Variants in CMTM4 observed in about 807,000 individuals in gnomAD.
The protein encoded by CMTM4 is CKLF like MARVEL transmembrane domain containing 4.
A neutral mutation model predicts 19.0 loss-of-function variants in CMTM4; 8 were observed. The observed-to-expected ratio is 0.42, with a 90% CI of 0.25 to 0.76. The LOEUF is 0.76. Among genes scored for constraint, CMTM4 ranks in the 30% least tolerant of loss-of-function variants. CMTM4 has a pLI of 0.27. For missense variants in CMTM4, 228 were observed against 290.2 expected, an observed-to-expected ratio of 0.79 and a Z score of 1.56; for synonymous variants, 106 against 121.1, an observed-to-expected ratio of 0.88 and a Z score of 0.82.
At chr16:66,655,045 G>C (rs2016373171) in intron 1 of CMTM4, among the ~76,000 whole-genome samples, 1 of 152,128 alleles carries the variant, frequency 6.6e-6, no homozygotes, top group South Asian at 2.1e-4. Context: ...ACCCAGGCTA[G>C]AGTGTTGTGC....
chr16:66,672,062 G>A (rs2016717378), intron 1 of CMTM4, among the ~76,000 whole-genome samples: 1 of 151,828 alleles, frequency 6.6e-6, no homozygotes, highest in African/African-American at 2.4e-5. Flanking sequence ...TAATCTATCA[G>A]GATATATTTA....
chr16:66,693,496 TTTC>T (rs1596970665), intron 1 of CMTM4, among the ~76,000 whole-genome samples: 1 of 152,236 alleles, frequency 6.6e-6, no homozygotes, highest in East Asian at 1.9e-4. Flanking sequence ...GACTTCTTAT[TTTC>T]TTTTCAGTTT....
At chr16:66,635,938 C>A (rs1332168525) in intron 2 of CMTM4, among the ~76,000 whole-genome samples, 1 of 152,092 alleles carries the variant, frequency 6.6e-6, no homozygotes, top group East Asian at 1.9e-4. Context: ...ATCAAACCAC[C>A]AAACCCCCCC....
At chr16:66,609,130 G>T in the CMTM4 span, among the ~76,000 whole-genome samples, 21 of 152,330 alleles carry the variant, frequency 1.4e-4, no homozygotes, top group Admixed American at 1.1e-3. The surrounding 1 kb of genome is among the most constrained non-coding windows in gnomAD (Gnocchi z 4.4). Context: ...AGCAGGTGGG[G>T]GTGTTTCCAA....
intron 1 of CMTM4, among the ~76,000 whole-genome samples, chr16:66,645,216 G>T (rs61384894): frequency 0.02 from 2,972 of 151,978 alleles, 67 homozygotes; most frequent in South Asian, 0.12. Flanking sequence ...CCTGGGAGGC[G>T]GAGGTTGCAG....
Position 66,636,539 on chromosome 16 carries a change from C to T in CMTM4, c.229G>A (p.Ala77Thr). 6.2e-7 allele frequency: 1 copy of T among 1,614,134 alleles called. No individual in the cohort carries two copies. The highest frequency in any genetic ancestry group is 1.7e-5 in the Admixed American group (1 of 60,014). Residue 77 changes from alanine to threonine, a missense_variant, in exon 2 of 4, where the codon GCA becomes ACA. Around this residue, in one of 3 missense-constraint regions of CMTM4, gnomAD observed 200 missense variants for 226.6 expected, o/e 0.88. Transcript: ENST00000394106. The stretch of plus-strand genomic sequence containing the variant: ...TAGAGGCCTTCACACGGGGAGCATG[C>T]CATGATGGTCTCTATGCAGATGAAT... ...IAFICIETIM[A>T]CSPCEGLYFF...
At chr16:66,644,010 T>C (rs2016144609) in intron 1 of CMTM4, among the ~76,000 whole-genome samples, 1 of 152,296 alleles carries the variant, frequency 6.6e-6, no homozygotes, top group South Asian at 2.1e-4. Context: ...CACCTTGGCC[T>C]CCCAAAGTGC....
the CMTM4 span, chr16:66,609,491 C>A: frequency 6.2e-7 from 1 of 1,611,124 alleles, no homozygotes; most frequent in South Asian, 1.1e-5. The surrounding 1 kb of genome is among the most constrained non-coding windows in gnomAD (Gnocchi z 4.4). Flanking sequence ...CCATCACGGC[C>A]ATCGCCAAGT....
intron 2 of CMTM4, among the ~76,000 whole-genome samples, chr16:66,624,819 G>A (rs1378599656): frequency 1.3e-5 from 2 of 152,184 alleles, no homozygotes; most frequent in African/African-American, 4.8e-5. Flanking sequence ...TCATAACAGT[G>A]CTGAGTCTTG....
rs187420467 is a variant in CMTM4 at position 66,626,727 on chromosome 16, G to A, written c.364-3225C>T. The stretch of plus-strand genomic sequence containing the variant: ...AGAGGTTGCTGTGAGCCCAGATTGC[G>A]CCACTGCACTCCAGCCTGAGAGACA... On this transcript the variant is annotated intron_variant, in intron 2 of 3. Transcript: ENST00000394106. 3.9e-3 allele frequency among the ~76,000 whole-genome samples: 589 copies of A among 151,094 alleles called. 4 individuals carry two copies. Among genetic ancestry groups the A allele is most frequent in the African/African-American group, 0.012 (492 of 41,170 alleles).
At chr16:66,683,100 AGAGTC>A (rs1380320930) in intron 1 of CMTM4, among the ~76,000 whole-genome samples, 2 of 144,232 alleles carry the variant, frequency 1.4e-5, no homozygotes, top group East Asian at 2.0e-4. Context: ...CACCTCAAAT[AGAGTC>A]TAGTTGTGTG....
the CMTM4 span, among the ~76,000 whole-genome samples, chr16:66,599,579 T>C: frequency 6.6e-6 from 1 of 152,178 alleles, no homozygotes; most frequent in African/African-American, 2.4e-5. Flanking sequence ...CACTGTAACC[T>C]GGAACTCTTG....
chr16:66,668,061 G>A (rs947287613), intron 1 of CMTM4, among the ~76,000 whole-genome samples: 10 of 151,944 alleles, frequency 6.6e-5, no homozygotes, highest in Non-Finnish European at 1.2e-4. Context: ...GGAGTACAGT[G>A]GCAGAATTAT....
At position 66,618,728 on chromosome 16, in the gene CMTM4, C is replaced by T; in HGVS notation, c.*3330G>A. The T allele has an allele frequency of 1.0e-6, 1 of 985,508 alleles. No homozygotes were observed. The highest frequency in any genetic ancestry group is 1.2e-6 in the Non-Finnish European group (1 of 829,956). The allele number at this position is 985,508 out of a possible 1,614,324, so 61.0% of individuals were successfully genotyped here. ...CAGCTTCCAAGAACCACAGATGTAA[C>T]TGCAAACTTGAAGAGAGTCAGAATG... On this transcript the variant is annotated 3_prime_UTR_variant, in exon 4 of 4. Transcript: ENST00000394106.
chr16:66,668,308 C>T (rs2016641737), intron 1 of CMTM4, among the ~76,000 whole-genome samples: 1 of 152,038 alleles, frequency 6.6e-6, no homozygotes, highest in Non-Finnish European at 1.5e-5. Flanking sequence ...CATGCCCAGC[C>T]CCATTTTCTG....
At chr16:66,653,987 T>C (rs1462795757) in intron 1 of CMTM4, among the ~76,000 whole-genome samples, 3 of 152,108 alleles carry the variant, frequency 2.0e-5, no homozygotes, top group Non-Finnish European at 2.9e-5. Flanking sequence ...GTGATCCACC[T>C]GCCTCGGCCT....
chr16:66,683,378 G>A (rs1396145918), intron 1 of CMTM4, among the ~76,000 whole-genome samples: 4 of 124,864 alleles, frequency 3.2e-5, no homozygotes, highest in South Asian at 2.8e-4. Flanking sequence ...TGCAAGCTCC[G>A]CCTCCTGGGT....
At chr16:66,678,507 C>A (rs949697779) in intron 1 of CMTM4, among the ~76,000 whole-genome samples, 3 of 152,192 alleles carry the variant, frequency 2.0e-5, no homozygotes, top group African/African-American at 7.2e-5. Flanking sequence ...TCCAAGTTAT[C>A]TGATCCTATG....
intron 1 of CMTM4, among the ~76,000 whole-genome samples, chr16:66,651,318 C>G (rs1165736979): frequency 2.0e-5 from 3 of 152,140 alleles, no homozygotes; most frequent in Non-Finnish European, 4.4e-5. Flanking sequence ...AACAGATCAC[C>G]TTAAAACATA....
Sources: allele counts gnomAD v4.1 joint callset (sites outside exome capture counted in the v4.1 genomes callset), GRCh38; gene constraint gnomAD v4.1.1; regional missense constraint gnomAD v4.1.1; non-coding constraint Gnocchi (gnomAD v3.1); transcripts MANE v1.5; gene names NCBI Gene and HGNC (gene_info 2026-07-23, HGNC 2026-07-21).